Variants in NOL4 observed in about 807,000 individuals in gnomAD.
NOL4 encodes the protein nucleolar protein 4.
Under a neutral mutation model 75.9 loss-of-function variants are expected in NOL4, and 17 were observed. The ratio of observed to expected loss-of-function variants is 0.22; its 90% CI spans 0.15 to 0.34. NOL4 has a LOEUF of 0.34. Ranked by LOEUF, NOL4 falls within the 10% of genes least tolerant of loss-of-function variation. NOL4 has a pLI of 1.00. For missense variants in NOL4, 614 were observed against 793.5 expected (o/e 0.77, Z 2.72); for synonymous variants, 292 against 289.9 (o/e 1.01, Z -0.07).
At chr18:34,093,353 G>A in intron 5 of NOL4, 112 bp downstream of exon 5, 1 of 1,064,978 alleles carries the variant, frequency 9.4e-7, no homozygotes, top group Non-Finnish European at 1.3e-6. Context: ...CCATAGAAAT[G>A]GGTAGATTTT....
intron 9 of NOL4, among the ~76,000 whole-genome samples, chr18:33,934,188 G>A (rs1452997152): frequency 1.3e-5 from 2 of 152,004 alleles, no homozygotes; most frequent in Non-Finnish European, 2.9e-5. Flanking sequence ...CTCAACAGTG[G>A]GCTTAAAATA....
At chr18:33,932,477 T>G (rs2067763701) in intron 9 of NOL4, among the ~76,000 whole-genome samples, 1 of 152,090 alleles carries the variant, frequency 6.6e-6, no homozygotes, top group Non-Finnish European at 1.5e-5. Flanking sequence ...TTAAAACCTT[T>G]AAAAACCTTG....
intron 1 of NOL4, among the ~76,000 whole-genome samples, chr18:34,205,360 G>A (rs546572761): frequency 2.0e-5 from 3 of 152,046 alleles, no homozygotes; most frequent in Non-Finnish European, 4.4e-5. Context: ...TGCTTTCTAC[G>A]CCTCCCCAGT....
At position 34,099,362 on chromosome 18, in the gene NOL4, C is replaced by CAAAAAAAAAAAAAAAAAAAAAAAAA. The variant is rs58940650; in HGVS notation, c.639+4684_639+4685insTTTTTTTTTTTTTTTTTTTTTTTTT. 9.3e-4 allele frequency among the ~76,000 whole-genome samples: 74 copies of CAAAAAAAAAAAAAAAAAAAAAAAAA among 79,984 alleles called. 8 individuals are homozygous for CAAAAAAAAAAAAAAAAAAAAAAAAA. The highest frequency in any genetic ancestry group is 2.3e-3 in the African/African-American group (44 of 19,374). The allele number at this position is 79,984 out of a possible 152,430, so 52.5% of individuals were successfully genotyped here. On this transcript the variant is annotated intron_variant, in intron 4 of 10. Transcript: ENST00000261592. ...TAGGCAACAGAGTGAGACTTTGTCT[C>CAAAAAAAAAAAAAAAAAAAAAAAAA]AAAAAAAAAAAAAAAGACAACTACG...
intron 1 of NOL4, among the ~76,000 whole-genome samples, chr18:34,135,343 A>T (rs2080843120): frequency 1.3e-5 from 2 of 152,176 alleles, no homozygotes; most frequent in South Asian, 4.1e-4. Flanking sequence ...TAAATTATTG[A>T]TAATGGCTGA....
At chr18:34,187,551 T>A (rs1363554979) in intron 1 of NOL4, among the ~76,000 whole-genome samples, 1 of 152,038 alleles carries the variant, frequency 6.6e-6, no homozygotes, top group Non-Finnish European at 1.5e-5. Flanking sequence ...CACACTCGGC[T>A]ACTTTTTTGT....
chr18:33,901,736 T>A (rs1172014838), intron 9 of NOL4, among the ~76,000 whole-genome samples: 1 of 152,110 alleles, frequency 6.6e-6, no homozygotes, highest in Non-Finnish European at 1.5e-5. Flanking sequence ...CTAGTTGACA[T>A]AATAATTCTC....
chr18:33,924,277 T>C (rs1341555680), intron 9 of NOL4, among the ~76,000 whole-genome samples: 5 of 152,228 alleles, frequency 3.3e-5, no homozygotes, highest in Admixed American at 3.3e-4. Flanking sequence ...AAGGCAACAG[T>C]AGCCAAAGAA....
chr18:33,888,420 T>C (rs950025865), intron 9 of NOL4, among the ~76,000 whole-genome samples: 3 of 152,170 alleles, frequency 2.0e-5, no homozygotes, highest in Non-Finnish European at 4.4e-5. Flanking sequence ...CTCTTTAGTT[T>C]AATTAGATCC....
At chr18:33,884,169 A>G (rs1040712410) in intron 9 of NOL4, among the ~76,000 whole-genome samples, 3 of 152,114 alleles carry the variant, frequency 2.0e-5, no homozygotes, top group East Asian at 1.9e-4. Context: ...ACAATGGAAA[A>G]TAAATATTTA....
At chr18:33,992,396 A>T (rs1277727521) in intron 6 of NOL4, among the ~76,000 whole-genome samples, 5 of 151,988 alleles carry the variant, frequency 3.3e-5, no homozygotes, top group Non-Finnish European at 5.9e-5. Flanking sequence ...GTAGACCCAT[A>T]CCTCAGCAAA....
At chr18:34,138,331 G>A (rs534082286) in intron 1 of NOL4, among the ~76,000 whole-genome samples, 1 of 152,238 alleles carries the variant, frequency 6.6e-6, no homozygotes, top group African/African-American at 2.4e-5. Flanking sequence ...GAGCCCATAA[G>A]GTTGAAGCTG....
At chr18:33,928,034 T>C (rs78906472) in intron 9 of NOL4, among the ~76,000 whole-genome samples, 2,878 of 152,242 alleles carry the variant, frequency 0.019, 85 homozygotes, top group African/African-American at 0.066. Context: ...AGTGGACAGA[T>C]TGAGGAGAAA....
intron 2 of NOL4, among the ~76,000 whole-genome samples, chr18:34,107,321 T>A (rs1018609045): frequency 6.6e-6 from 1 of 152,284 alleles, no homozygotes; most frequent in East Asian, 1.9e-4. Context: ...CATGTATACA[T>A]GTGTGCATGA....
chr18:34,065,873 G>T (rs1223637731), intron 5 of NOL4, among the ~76,000 whole-genome samples: 1 of 151,870 alleles, frequency 6.6e-6, no homozygotes, highest in East Asian at 1.9e-4. Context: ...TTTAGTTGAG[G>T]ACTTCGGCTG....
At chr18:33,933,640 C>T (rs2067849845) in intron 9 of NOL4, among the ~76,000 whole-genome samples, 1 of 152,180 alleles carries the variant, frequency 6.6e-6, no homozygotes, top group Non-Finnish European at 1.5e-5. Context: ...CTTTTACGCT[C>T]AGCTATAAAA....
At chr18:34,218,104 A>AAC (rs1289728838) in intron 1 of NOL4, among the ~76,000 whole-genome samples, 1 of 151,834 alleles carries the variant, frequency 6.6e-6, no homozygotes, top group East Asian at 1.9e-4. Context: ...TAGACCAAAA[A>AAC]AAAAAAAACA....
rs1376786429 is a variant in NOL4 at position 33,917,312 on chromosome 18, C to G, written c.1542+25753G>C. 4.6e-5 allele frequency among the ~76,000 whole-genome samples: 7 copies of G among 152,002 alleles called. No individual in the cohort carries two copies. In the East Asian group the frequency reaches 1.4e-3, roughly 29 times the overall value. On this transcript the variant is annotated intron_variant, in intron 9 of 10. Transcript: ENST00000261592. ...AATTTTGAGCCCAGTACTACCCCCT[C>G]CTTTTATCCTGCTGTGTTTGGATGG...
Position 34,048,568 on chromosome 18 carries a change from C to A in NOL4, c.773-28967G>T, listed in dbSNP as rs188961678. The A allele has an allele frequency of 3.0e-6, 3 of 985,250 alleles. No individual in the cohort carries two copies. In the South Asian group the frequency reaches 1.4e-4, roughly 46 times the overall value. 61.0% of individuals were successfully genotyped at this position (985,250 alleles called of 1,614,324 possible). On this transcript the variant is annotated intron_variant, in intron 5 of 10. Transcript: ENST00000261592. ...GCACCCAGGGATTAGTCTGACTTCC[C>A]CTAAATTCTCTCCTCTGCACAGTAA...
Sources: gnomAD v4.1 joint callset for allele counts (sites outside exome capture counted in the v4.1 genomes callset) on GRCh38, gnomAD v4.1.1 for gene constraint, MANE v1.5 for transcripts, NCBI Gene and HGNC (gene_info 2026-07-23, HGNC 2026-07-21) for gene names.